Variants in TEK observed in about 807,000 individuals in gnomAD.
TEK encodes TEK receptor tyrosine kinase.
A neutral mutation model predicts 131.8 loss-of-function variants in TEK; 43 were observed. The ratio of observed to expected loss-of-function variants is 0.33; its 90% confidence interval spans 0.26 to 0.42. The LOEUF is 0.42. TEK is among the 10% of genes least tolerant of loss of function. The pLI is 1.00. For missense variants in TEK, 1,162 were observed against 1,384.4 expected (o/e 0.84, Z 2.55); for synonymous variants, 580 against 491.6 (o/e 1.18, Z -2.38).
At chr9:27,138,173 G>A (rs1365326014) in intron 1 of TEK, among the ~76,000 whole-genome samples, 2 of 152,246 alleles carry the variant, frequency 1.3e-5, no homozygotes, top group Admixed American at 6.5e-5. Context: ...AGAGTGAGCA[G>A]CAGCAAGATT....
Position 27,197,489 on chromosome 9 carries a change from T to A in TEK, c.1799T>A (p.Val600Glu). ...AAAGTTCCAGGCAACTTGACTTCGG[T>A]GCTACTTAACAACTTACATCCCAGG... ...NIKVPGNLTS[V>E]LLNNLHPREQ... The change falls in exon 12 of 23, where the codon GTG (valine) becomes GAG (glutamate). Residue 600 changes from valine to glutamate, a missense_variant. Val to Glu is a moderately radical substitution (Grantham distance 121). Transcript: ENST00000380036. The A allele has an allele frequency of 6.2e-7, 1 of 1,614,018 alleles. No homozygotes were observed. Among genetic ancestry groups the A allele is most frequent in the Non-Finnish European group, 8.5e-7 (1 of 1,179,974 alleles).
chr9:27,227,343 G>T (rs1017083070), intron 21 of TEK, among the ~76,000 whole-genome samples: 3 of 152,214 alleles, frequency 2.0e-5, no homozygotes, highest in African/African-American at 7.2e-5. Flanking sequence ...TTCACGTGTT[G>T]TGCAAGATAT....
In TEK at chr9:27,229,929, T is replaced by C. The variant is rs1826498115; in HGVS notation, c.*697T>C. On this transcript the variant is annotated 3_prime_UTR_variant, in exon 23 of 23. Transcript: ENST00000380036. ...TAGAGAAGTATACATAAGTTTAGGA[T>C]AAAATAATGGGATTTTCTTTTCTTT... 1 of 152,294 alleles carries C rather than the reference T, an allele frequency of 6.6e-6. No homozygotes were observed. The highest frequency in any genetic ancestry group is 1.5e-5 in the Non-Finnish European group (1 of 68,078). The allele number at this position is 152,294 out of a possible 1,614,324, so 9.4% of individuals were successfully genotyped here. A position where few individuals can be genotyped will look rare whatever the true frequency, so the allele number is the denominator to read the frequency against.
intron 1 of TEK, among the ~76,000 whole-genome samples, chr9:27,133,283 A>G (rs1430264605): frequency 6.6e-6 from 1 of 152,248 alleles, no homozygotes; most frequent in Non-Finnish European, 1.5e-5. Context: ...TGGACAAGTC[A>G]TGGCTTATTT....
At chr9:27,178,541 A>G (rs1235032640) in intron 6 of TEK, among the ~76,000 whole-genome samples, 1 of 152,178 alleles carries the variant, frequency 6.6e-6, no homozygotes, top group East Asian at 1.9e-4. Context: ...ATTTGTAGAT[A>G]ACTTAGTTGT....
At chr9:27,155,578 C>A (rs1237602292) in intron 1 of TEK, among the ~76,000 whole-genome samples, 1 of 152,164 alleles carries the variant, frequency 6.6e-6, no homozygotes, top group African/African-American at 2.4e-5. Flanking sequence ...TGGCAATTGC[C>A]ATTAAAAACA....
chr9:27,196,165 A>C lies in TEK; in HGVS notation c.1625-1150A>C, dbSNP rs145922796. Among the ~76,000 whole-genome samples the C allele has an allele frequency of 2.1e-3, 321 of 152,340 alleles. 1 individual carries two copies. The highest frequency in any genetic ancestry group is 6.5e-3 in the African/African-American group (271 of 41,580). On this transcript the variant is annotated intron_variant, in intron 11 of 22. Coordinates refer to ENST00000380036, the MANE Select transcript of TEK (RefSeq NM_000459.5). ...TGGCAAATCTACTGTTTTGATTTTT[A>C]TCAGTTTCCTTCCTATCCTTCACCA...
rs1317082572 is a variant in TEK at position 27,229,704 on chromosome 9, A to G, written c.*472A>G. ...ATGAATTCTAACAAGTCATAGGTTA[A>G]TATTTAAGACACTGAAAAATCTAAG... On this transcript the variant is annotated 3_prime_UTR_variant, in exon 23 of 23. Transcript: ENST00000380036. 1 of 175,826 alleles carries G rather than the reference A, an allele frequency of 5.7e-6. No individual in the cohort carries two copies. Among genetic ancestry groups the G allele is most frequent in the African/African-American group, 2.4e-5 (1 of 41,966 alleles). 10.9% of individuals were successfully genotyped at this position (175,826 alleles called of 1,614,324 possible). A position where few individuals can be genotyped will look rare whatever the true frequency, so the allele number is the denominator to read the frequency against.
At position 27,228,294 on chromosome 9, in the gene TEK, G is replaced by A; in HGVS notation, c.3289G>A (p.Glu1097Lys). The change falls in exon 22 of 23, where the codon GAG (glutamate) becomes AAG (lysine). Residue 1097 changes from glutamate (E) to lysine (K), a missense_variant. This residue lies in a region of TEK where 84 missense variants were observed against 80.3 expected (regional missense o/e 1.05). Coordinates refer to ENST00000380036, the MANE Select transcript of TEK (RefSeq NM_000459.5). ...QILVSLNRML[E>K]ERKTYVNTTL... ...ATTGGTGTCCTTAAACAGAATGTTA[G>A]AGGAGCGAAAGGTAAGTATTAAAGT... The A allele has an allele frequency of 6.2e-7, 1 of 1,612,024 alleles. No individual in the cohort carries two copies. Among genetic ancestry groups the A allele is most frequent in the Non-Finnish European group, 8.5e-7 (1 of 1,178,380 alleles).
intron 1 of TEK, among the ~76,000 whole-genome samples, chr9:27,133,533 C>T (rs1367383670): frequency 1.3e-5 from 2 of 152,210 alleles, no homozygotes; most frequent in Non-Finnish European, 2.9e-5. Context: ...TGCATCCAAC[C>T]TGAAAGCCAG....
intron 20 of TEK, 58 bp downstream of exon 20, chr9:27,218,875 T>G: frequency 1.3e-6 from 2 of 1,509,146 alleles, no homozygotes; most frequent in Non-Finnish European, 1.8e-6. Flanking sequence ...TGGAAGCCTC[T>G]AGCACTCCCT....
intron 1 of TEK, among the ~76,000 whole-genome samples, chr9:27,146,854 C>T (rs373319772): frequency 1.8e-4 from 28 of 151,552 alleles, no homozygotes; most frequent in East Asian, 5.8e-4. Context: ...CTCAGCCTCT[C>T]GAGTAGCTGG....
At chr9:27,141,179 T>C (rs1349396953) in intron 1 of TEK, among the ~76,000 whole-genome samples, 4 of 152,250 alleles carry the variant, frequency 2.6e-5, no homozygotes, top group African/African-American at 9.6e-5. Flanking sequence ...TTCTAACATA[T>C]TGTTTTATAC....
At chr9:27,204,692 T>TG (rs1825339190) in intron 13 of TEK, among the ~76,000 whole-genome samples, 1 of 141,728 alleles carries the variant, frequency 7.1e-6, no homozygotes, top group Non-Finnish European at 1.6e-5. Flanking sequence ...CACTTTTGCA[T>TG]GTTTTTTTTT....
intron 1 of TEK, among the ~76,000 whole-genome samples, chr9:27,147,057 A>T (rs371299145): frequency 6.6e-6 from 1 of 151,992 alleles, no homozygotes; most frequent in African/African-American, 2.4e-5. Flanking sequence ...GTACATTTTC[A>T]TTTCTGAAGG....
At chr9:27,218,418 G>C (rs1283398908) in intron 19 of TEK, among the ~76,000 whole-genome samples, 1 of 152,084 alleles carries the variant, frequency 6.6e-6, no homozygotes, top group Non-Finnish European at 1.5e-5. Flanking sequence ...ACACTAAGAG[G>C]TCCCAAGAGG....
chr9:27,166,996 T>A (rs1823753731), intron 2 of TEK, among the ~76,000 whole-genome samples: 1 of 152,226 alleles, frequency 6.6e-6, no homozygotes, highest in South Asian at 2.1e-4. Flanking sequence ...GTGGTGATCC[T>A]TATATTGTTA....
Position 27,185,615 on chromosome 9 carries a change from A to T in TEK, c.1313A>T (p.Asn438Ile), listed in dbSNP as rs189543659. The part of the protein sequence containing the change: ...TVAGMVEKPF[N>I]ISVKVLPKPL... ...GCTGGGATGGTGGAAAAGCCCTTCAACATTTCTGTTAAAGGTAAGTTCATT... is the reference window on the plus strand; with the variant it reads ...GCTGGGATGGTGGAAAAGCCCTTCATCATTTCTGTTAAAGGTAAGTTCATT... Residue 438 changes from asparagine (N) to isoleucine (I), a missense_variant, in exon 9 of 23, where the codon AAC becomes ATC. Transcript: ENST00000380036. 18 of 1,613,572 alleles carry T rather than the reference A, an allele frequency of 1.1e-5. No individual in the cohort carries two copies. Among genetic ancestry groups the T allele is most frequent in the Non-Finnish European group, 1.4e-5 (17 of 1,179,730 alleles).
chr9:27,186,575 G>A (rs1335612337), intron 9 of TEK, among the ~76,000 whole-genome samples: 1 of 152,076 alleles, frequency 6.6e-6, no homozygotes, highest in African/African-American at 2.4e-5. Context: ...AGATACAAAG[G>A]GTCAACTTTA....
Sources: gnomAD v4.1 joint callset for allele counts (sites outside exome capture counted in the v4.1 genomes callset) on GRCh38, gnomAD v4.1.1 for gene constraint, gnomAD v4.1.1 regional missense constraint, MANE v1.5 for transcripts, NCBI Gene and HGNC (gene_info 2026-07-23, HGNC 2026-07-21) for gene names.